Variants in CCDC47 observed in about 807,000 individuals in gnomAD.
CCDC47 encodes PAT complex subunit CCDC47.
In CCDC47, 41 loss-of-function variants were observed where a neutral mutation model predicts 60.5. The observed-to-expected ratio is 0.68, with a 90% CI of 0.53 to 0.88. The LOEUF is 0.88. Ranked by LOEUF, CCDC47 falls within the 40% of genes least tolerant of loss-of-function variation. The pLI is 0.00. For synonymous variants in CCDC47, 195 were observed against 190.7 expected (o/e 1.02, Z -0.18); for missense variants, 513 against 580.9 (o/e 0.88, Z 1.20).
intron 1 of CCDC47, among the ~76,000 whole-genome samples, chr17:63,772,253 T>A (rs2039349711): frequency 7.3e-6 from 1 of 136,878 alleles, no homozygotes; most frequent in Non-Finnish European, 1.6e-5. Flanking sequence ...ACCAAGGGTT[T>A]TTTTTTTTTT....
chr17:63,756,703 A>G, intron 6 of CCDC47, 133 bp from the exon 7 acceptor site: 3 of 632,318 alleles, frequency 4.7e-6, no homozygotes, highest in Non-Finnish European at 8.4e-6. Flanking sequence ...ATTTGCAAAT[A>G]TGATGGAATA....
rs529163069 is a variant in CCDC47, at chr17:63,746,502, A to G, written c.*379T>C. On this transcript the variant is annotated 3_prime_UTR_variant, in exon 13 of 13. Coordinates refer to ENST00000225726, the MANE Select transcript of CCDC47 (RefSeq NM_020198.3). ...GCCATTTCAACTGCTTGGTTTAAACAAAAAGCAACAATCTGGTTATCTACC... is the reference window on the plus strand; with the variant it reads ...GCCATTTCAACTGCTTGGTTTAAACGAAAAGCAACAATCTGGTTATCTACC... 14 of 165,110 alleles carry G rather than the reference A, an allele frequency of 8.5e-5. No homozygotes were observed. The South Asian group carries it at 2.4e-3, about 28-fold the overall frequency. The allele number at this position is 165,110 out of a possible 1,614,324, so 10.2% of individuals were successfully genotyped here.
chr17:63,752,925 AC>A, intron 9 of CCDC47, 126 bp from the exon 10 acceptor site: 1 of 1,377,672 alleles, frequency 7.3e-7, no homozygotes, highest in African/African-American at 1.5e-5. Flanking sequence ...GGCTTGGCAT[AC>A]CCAAGTCAAA....
chr17:63,763,137 G>C (rs1411152393), intron 4 of CCDC47, among the ~76,000 whole-genome samples: 2 of 151,994 alleles, frequency 1.3e-5, no homozygotes, highest in African/African-American at 4.8e-5. Flanking sequence ...TGCCCAGACT[G>C]GTCTTAAACT....
rs1218524217 is a variant in CCDC47 at position 63,765,992 on chromosome 17, C to T, written c.184G>A (p.Asp62Asn). Residue 62 changes from aspartate to asparagine, a missense_variant, in exon 2 of 13, where the codon GAT becomes AAT. Transcript: ENST00000225726. Reference sequence around the variant, plus strand: ...TCCACAGTGGTCTCATCTTCATCATCTTCAGTGATTATGACCCGTTGAGGA... The same window carrying T: ...TCCACAGTGGTCTCATCTTCATCATTTTCAGTGATTATGACCCGTTGAGGA... The part of the protein sequence containing the change: ...ESPQRVIITE[D>N]DEDETTVELE... The T allele has an allele frequency of 1.2e-6, 2 of 1,614,110 alleles. No homozygotes were observed. Among genetic ancestry groups the T allele is most frequent in the Non-Finnish European group, 1.7e-6 (2 of 1,179,968 alleles).
At chr17:63,762,117 AT>A in intron 4 of CCDC47, 1 of 984,652 alleles carries the variant, frequency 1.0e-6, no homozygotes, top group Non-Finnish European at 1.2e-6. Context: ...GGTCTTACTA[AT>A]GGTATTAAGA....
chr17:63,770,815 G>A (rs1261899914), intron 1 of CCDC47, among the ~76,000 whole-genome samples: 1 of 151,258 alleles, frequency 6.6e-6, no homozygotes, highest in Admixed American at 6.6e-5. Flanking sequence ...GTGAAATCCC[G>A]TCTCGACTAA....
rs1241806298 is a variant in CCDC47 at position 63,766,069 on chromosome 17, T to C, written c.107A>G (p.Asp36Gly). Residue 36 changes from aspartate to glycine, a missense_variant, in exon 2 of 13, where the codon GAT becomes GGT. Physicochemically the swap from Asp to Gly is moderately conservative, Grantham distance 94. Coordinates refer to ENST00000225726, the MANE Select transcript of CCDC47 (RefSeq NM_020198.3). ...EDEEDIVEYD[D>G]NDFAEFEDVM... ...ATCCTCAAATTCAGCGAAGTCATTA[T>C]CATCATACTCTACTATGTCCTCCTC... 4 of 1,614,000 alleles carry C rather than the reference T, an allele frequency of 2.5e-6. No homozygotes were observed. In the South Asian group the frequency reaches 3.3e-5, roughly 13 times the overall value.
At position 63,766,110 on chromosome 17, in the gene CCDC47, A is replaced by C; in HGVS notation, c.66T>G (p.Phe22Leu). The C allele has an allele frequency of 6.2e-7, 1 of 1,614,096 alleles. No individual in the cohort carries two copies. Among genetic ancestry groups the C allele is most frequent in the Non-Finnish European group, 8.5e-7 (1 of 1,180,004 alleles). ...LVFGSVSEAK[F>L]DDFEDEEDIV... ...TGTCCTCCTCATCCTCAAAATCATCAAACTTGGCTTCAGAGACACTCCCAA... is the reference window on the plus strand; with the variant it reads ...TGTCCTCCTCATCCTCAAAATCATCCAACTTGGCTTCAGAGACACTCCCAA... Residue 22 changes from phenylalanine (F) to leucine (L), a missense_variant, in exon 2 of 13, where the codon TTT becomes TTG. Transcript: ENST00000225726.
intron 4 of CCDC47, among the ~76,000 whole-genome samples, 186 bp downstream of exon 4, chr17:63,763,830 G>GTAA (rs2039278242): frequency 6.7e-6 from 1 of 149,836 alleles, no homozygotes; most frequent in African/African-American, 2.5e-5. Flanking sequence ...CTCAAAAATA[G>GTAA]TAATAATAAT....
chr17:63,769,713 G>T (rs186305497), intron 1 of CCDC47, among the ~76,000 whole-genome samples: 5 of 151,434 alleles, frequency 3.3e-5, no homozygotes, highest in Admixed American at 6.6e-5. Context: ...AACGGAAGAA[G>T]AATAATTGTC....
At chr17:63,770,783 C>T (rs970573905) in intron 1 of CCDC47, among the ~76,000 whole-genome samples, 1 of 151,512 alleles carries the variant, frequency 6.6e-6, no homozygotes, top group Admixed American at 6.6e-5. Flanking sequence ...GTCAGGAGTT[C>T]GAGAACAGCC....
intron 1 of CCDC47, among the ~76,000 whole-genome samples, chr17:63,769,937 G>A (rs1231050098): frequency 6.7e-6 from 1 of 150,090 alleles, no homozygotes; most frequent in Non-Finnish European, 1.5e-5. Flanking sequence ...TAGAATTCTG[G>A]ATATTTTGTC....
chr17:63,752,519 G>A, intron 10 of CCDC47, 90 bp from the exon 11 acceptor site: 1 of 878,666 alleles, frequency 1.1e-6, no homozygotes, highest in East Asian at 2.7e-5. Flanking sequence ...AATCTTAAGA[G>A]ACTCATTTCT....
intron 3 of CCDC47, 129 bp downstream of exon 3, chr17:63,764,611 T>C: frequency 1.3e-6 from 1 of 756,220 alleles, no homozygotes; most frequent in Non-Finnish European, 2.0e-6. Context: ...ATCAGAAAAA[T>C]TGATGTCAAG....
chr17:63,750,925 A>G (rs2039158768), intron 12 of CCDC47, among the ~76,000 whole-genome samples: 1 of 150,896 alleles, frequency 6.6e-6, no homozygotes, highest in Non-Finnish European at 1.5e-5. Flanking sequence ...CCCAGGCTAG[A>G]GTGCAGTGGT....
Position 63,756,365 on chromosome 17 carries a change from A to C in CCDC47, c.838-15T>G. On this transcript the variant is annotated splice_polypyrimidine_tract_variant and intron_variant, in intron 7 of 12. Transcript: ENST00000225726. ...CAAAACTCACTCTAGAGGAAGAAGTAATTGAAAGTAAGATATGACCTTTTA... is the reference window on the plus strand; with the variant it reads ...CAAAACTCACTCTAGAGGAAGAAGTCATTGAAAGTAAGATATGACCTTTTA... The C allele has an allele frequency of 6.2e-7, 1 of 1,603,906 alleles. No individual in the cohort carries two copies. The highest frequency in any genetic ancestry group is 8.5e-7 in the Non-Finnish European group (1 of 1,170,656).
intron 3 of CCDC47, 92 bp downstream of exon 3, chr17:63,764,648 T>C: frequency 8.9e-7 from 1 of 1,117,984 alleles, no homozygotes; most frequent in Non-Finnish European, 1.3e-6. Flanking sequence ...ACTATTGCAT[T>C]AACACCAGCT....
At chr17:63,762,315 C>T in intron 4 of CCDC47, 1 of 850,696 alleles carries the variant, frequency 1.2e-6, no homozygotes. Context: ...ATTTCCTGGT[C>T]AAAACATACT....
Sources: allele counts gnomAD v4.1 joint callset (sites outside exome capture counted in the v4.1 genomes callset), GRCh38; gene constraint gnomAD v4.1.1; transcripts MANE v1.5; gene names NCBI Gene and HGNC (gene_info 2026-07-23, HGNC 2026-07-21).